The following AGBL4 variants were observed in gnomAD, a reference collection of about 807,000 sequenced individuals.
AGBL4 encodes the protein AGBL carboxypeptidase 4.
In AGBL4, 58 loss-of-function variants were observed where a neutral mutation model predicts 66.4. That is an observed-to-expected ratio of 0.87 (90% CI 0.71 to 1.09). AGBL4 has a LOEUF of 1.09. Ranked by LOEUF, AGBL4 falls within the 50% of genes least tolerant of loss-of-function variation. AGBL4 has a pLI of 0.00. For missense variants in AGBL4, 579 were observed against 631.0 expected, an observed-to-expected ratio of 0.92 and a Z score of 0.88; for synonymous variants, 234 against 222.9, an observed-to-expected ratio of 1.05 and a Z score of -0.44.
At chr1:49,286,642 A>T (rs200873016) in intron 3 of AGBL4, among the ~76,000 whole-genome samples, 12,063 of 151,776 alleles carry the variant, frequency 0.079, 674 homozygotes, top group East Asian at 0.16. Flanking sequence ...ATACCTAGGA[A>T]TCCAACTTAC....
At chr1:48,535,324 A>G (rs1485939009) in intron 12 of AGBL4, among the ~76,000 whole-genome samples, 1 of 152,060 alleles carries the variant, frequency 6.6e-6, no homozygotes, top group Non-Finnish European at 1.5e-5. Flanking sequence ...CTCTTTTTGG[A>G]AGACAAACTC....
chr1:48,783,948 G>T (rs1029138710), intron 6 of AGBL4, among the ~76,000 whole-genome samples: 4 of 152,128 alleles, frequency 2.6e-5, no homozygotes, highest in African/African-American at 7.2e-5. Flanking sequence ...CCTTGGGGAA[G>T]TCACTTAGCA....
chr1:48,948,059 G>A (rs1207942176), intron 5 of AGBL4, among the ~76,000 whole-genome samples: 2 of 152,076 alleles, frequency 1.3e-5, no homozygotes, highest in Admixed American at 6.6e-5. Context: ...ATCATCCCAC[G>A]AAAGCAAGAT....
At chr1:50,008,271 C>A (rs1243803407) in intron 1 of AGBL4, among the ~76,000 whole-genome samples, 1 of 152,058 alleles carries the variant, frequency 6.6e-6, no homozygotes, top group Non-Finnish European at 1.5e-5. Context: ...TATTAGGACA[C>A]AAAACAAGTC....
intron 2 of AGBL4, among the ~76,000 whole-genome samples, chr1:49,722,098 T>C (rs1383019613): frequency 3.3e-5 from 5 of 152,106 alleles, no homozygotes; most frequent in Non-Finnish European, 5.9e-5. Context: ...TTGTGAGGGT[T>C]GAGGACTGCC....
At chr1:49,875,154 T>C (rs1262059564) in intron 1 of AGBL4, among the ~76,000 whole-genome samples, 1 of 148,650 alleles carries the variant, frequency 6.7e-6, no homozygotes, top group Non-Finnish European at 1.5e-5. Flanking sequence ...ACTATTATTA[T>C]TATTATTATT....
chr1:48,633,932 T>G (rs1645629042), intron 9 of AGBL4, among the ~76,000 whole-genome samples: 1 of 152,226 alleles, frequency 6.6e-6, no homozygotes, highest in Admixed American at 6.5e-5. Context: ...AGAGGCTGCC[T>G]TGTCCTTGCA....
intron 3 of AGBL4, among the ~76,000 whole-genome samples, chr1:49,368,006 G>A (rs985368430): frequency 6.6e-6 from 1 of 152,122 alleles, no homozygotes; most frequent in Non-Finnish European, 1.5e-5. Flanking sequence ...TTATAAAAAC[G>A]AGATCATAAA....
chr1:48,840,665 C>G (rs1646777734), intron 6 of AGBL4, among the ~76,000 whole-genome samples: 1 of 152,242 alleles, frequency 6.6e-6, no homozygotes, highest in Admixed American at 6.5e-5. Flanking sequence ...CCAGAAATCT[C>G]AAATATTGCT....
intron 1 of AGBL4, among the ~76,000 whole-genome samples, chr1:49,974,022 A>G (rs1020519062): frequency 6.6e-6 from 1 of 152,130 alleles, no homozygotes; most frequent in Non-Finnish European, 1.5e-5. Flanking sequence ...AAATGTTTTA[A>G]CTTCTGTATA....
intron 11 of AGBL4, among the ~76,000 whole-genome samples, chr1:48,574,222 C>T (rs575106822): frequency 8.0e-4 from 122 of 152,178 alleles, no homozygotes; most frequent in Non-Finnish European, 1.4e-3. Context: ...ATGCACTGTT[C>T]CACCTGGACA....
intron 6 of AGBL4, among the ~76,000 whole-genome samples, chr1:48,690,909 A>G (rs1285066117): frequency 2.0e-5 from 3 of 152,176 alleles, no homozygotes; most frequent in African/African-American, 7.2e-5. Flanking sequence ...TCACGCCTGT[A>G]ATCCCAGCAC....
chr1:49,859,831 G>C (rs1646525153), intron 1 of AGBL4, among the ~76,000 whole-genome samples: 1 of 151,774 alleles, frequency 6.6e-6, no homozygotes, highest in Non-Finnish European at 1.5e-5. Flanking sequence ...GAATTGTCTA[G>C]AGAAAAAAAT....
At chr1:49,552,681 C>A (rs1456693638) in intron 3 of AGBL4, among the ~76,000 whole-genome samples, 2 of 152,160 alleles carry the variant, frequency 1.3e-5, no homozygotes, top group Non-Finnish European at 2.9e-5. Flanking sequence ...GAGTAGCAGT[C>A]CGCTTTCTTC....
rs1380281444 is a variant in AGBL4, at chr1:49,011,549, A to G, written c.594+34035T>C. 1.4e-4 allele frequency among the ~76,000 whole-genome samples: 21 copies of G among 152,310 alleles called. No homozygotes were observed. In the East Asian group the frequency reaches 4.1e-3, roughly 29 times the overall value. On this transcript the variant is annotated intron_variant, in intron 5 of 13. Coordinates refer to ENST00000371839, the MANE Select transcript of AGBL4 (RefSeq NM_032785.4). ...TTACTGGGTATATACCCAAAGGACT[A>G]TAAATCATGCTGCTATAAAGACACA...
chr1:48,654,590 C>T (rs944874652), intron 7 of AGBL4, among the ~76,000 whole-genome samples: 12 of 152,236 alleles, frequency 7.9e-5, no homozygotes, highest in Admixed American at 6.5e-4. Context: ...GCAAGAAAGG[C>T]GTCAAAAGGA....
intron 6 of AGBL4, among the ~76,000 whole-genome samples, chr1:48,680,951 A>T (rs1208051970): frequency 6.6e-6 from 1 of 152,186 alleles, no homozygotes; most frequent in Non-Finnish European, 1.5e-5. Flanking sequence ...TGCATGAGTG[A>T]GAGTCACCTG....
chr1:49,640,958 T>C (rs901084611), intron 3 of AGBL4, among the ~76,000 whole-genome samples: 13 of 152,132 alleles, frequency 8.5e-5, no homozygotes, highest in Admixed American at 3.3e-4. Flanking sequence ...ATCCTTGCGA[T>C]GGGACTCAAT....
intron 3 of AGBL4, among the ~76,000 whole-genome samples, chr1:49,663,993 A>C (rs1646317455): frequency 6.6e-6 from 1 of 152,112 alleles, no homozygotes; most frequent in South Asian, 2.1e-4. Flanking sequence ...AAGAAAAAAG[A>C]GTAAAATCAT....
Sources: allele counts gnomAD v4.1 joint callset (sites outside exome capture counted in the v4.1 genomes callset), GRCh38; gene constraint gnomAD v4.1.1; transcripts MANE v1.5; gene names NCBI Gene and HGNC (gene_info 2026-07-23, HGNC 2026-07-21).